The following RAB35 variants were observed in gnomAD, a reference collection of about 807,000 sequenced individuals.
RAB35 encodes RAB35, member RAS oncogene family.
A neutral mutation model predicts 28.9 loss-of-function variants in RAB35; 4 were observed. That is an observed-to-expected ratio of 0.14 (90% CI 0.07 to 0.32). RAB35 has a LOEUF of 0.32. Among genes scored for constraint, RAB35 ranks in the 10% least tolerant of loss-of-function variants. The pLI is 1.00. For missense variants in RAB35, 128 were observed against 274.0 expected (o/e 0.47, Z 3.76); for synonymous variants, 99 against 105.1 (o/e 0.94, Z 0.35).
chr12:120,112,953 C>T (rs1333374219), intron 1 of RAB35, among the ~76,000 whole-genome samples: 1 of 150,644 alleles, frequency 6.6e-6, no homozygotes. Context: ...TACAGTGGCA[C>T]GATCTCGGCT....
chr12:120,103,623 G>A lies in RAB35; in HGVS notation c.227+203C>T, dbSNP rs554568531. Among the ~76,000 whole-genome samples the A allele has an allele frequency of 1.3e-5, 2 of 152,316 alleles. No individual in the cohort carries two copies. The highest frequency in any genetic ancestry group is 6.5e-5 in the Admixed American group (1 of 15,298). On this transcript the variant is annotated intron_variant, in intron 3 of 5. Coordinates refer to ENST00000229340, the MANE Select transcript of RAB35 (RefSeq NM_006861.7). The surrounding 1 kb of genome is among the most constrained non-coding windows in gnomAD (Gnocchi z 6.1). ...CCAGACTCCAGCCAGGGTGCTCAGCGACTCCCCCACAGCACCCCCCTCACA... is the reference window on the plus strand; with the variant it reads ...CCAGACTCCAGCCAGGGTGCTCAGCAACTCCCCCACAGCACCCCCCTCACA...
Position 120,103,783 on chromosome 12 carries a change from G to A in RAB35, c.227+43C>T. 2 of 1,609,942 alleles carry A rather than the reference G, an allele frequency of 1.2e-6. No homozygotes were observed. The highest frequency in any genetic ancestry group is 1.7e-6 in the Non-Finnish European group (2 of 1,178,058). On this transcript the variant is annotated intron_variant, in intron 3 of 5. Coordinates refer to ENST00000229340, the MANE Select transcript of RAB35 (RefSeq NM_006861.7). The surrounding 1 kb of genome is among the most constrained non-coding windows in gnomAD (Gnocchi z 6.1). ...CACCGGTCGCTCAACTGTGTCCACA[G>A]GTCAGTGGCGCGGGTTGGGTGGGAG...
Position 120,096,720 on chromosome 12 carries a change from T to C in RAB35, c.*525A>G, listed in dbSNP as rs1472550111. ...GCCCCGGAGAAGGGGCAAGACCCTGTGCAGCGGGGACAGAGGCTGACAACC... is the reference window on the plus strand; with the variant it reads ...GCCCCGGAGAAGGGGCAAGACCCTGCGCAGCGGGGACAGAGGCTGACAACC... On this transcript the variant is annotated 3_prime_UTR_variant, in exon 6 of 6. Transcript: ENST00000229340. 5 of 1,289,948 alleles carry C rather than the reference T, an allele frequency of 3.9e-6. No individual in the cohort carries two copies. The Admixed American group carries it at 6.9e-5, about 18-fold the overall frequency. 79.9% of individuals were successfully genotyped at this position (1,289,948 alleles called of 1,614,324 possible). A position where few individuals can be genotyped will look rare whatever the true frequency, so the allele number is the denominator to read the frequency against.
chr12:120,099,905 C>T (rs1240676868), intron 3 of RAB35, among the ~76,000 whole-genome samples: 1 of 152,216 alleles, frequency 6.6e-6, no homozygotes, highest in Non-Finnish European at 1.5e-5. Flanking sequence ...CTCCGCTTCC[C>T]CGAGAGCTGT....
At position 120,096,172 on chromosome 12, in the gene RAB35, T is replaced by C. The variant is rs761532265; in HGVS notation, c.*1073A>G. The C allele has an allele frequency of 3.2e-5, 11 of 347,592 alleles. No individual in the cohort carries two copies. Among genetic ancestry groups the C allele is most frequent in the Non-Finnish European group, 5.6e-5 (10 of 179,366 alleles). The allele number at this position is 347,592 out of a possible 1,614,324, so 21.5% of individuals were successfully genotyped here. A position where few individuals can be genotyped will look rare whatever the true frequency, so the allele number is the denominator to read the frequency against. ...CTCCCCACAGTGCCCGAGGCTGCAG[T>C]GTAGACTCCTGACCTCCAGTGGGAG... On this transcript the variant is annotated 3_prime_UTR_variant, in exon 6 of 6. Transcript: ENST00000229340.
At position 120,106,597 on chromosome 12, in the gene RAB35, T is replaced by C. The variant is rs1288614049; in HGVS notation, c.103+1820A>G. ...ATGGAATCACTTTCTTTTTCTTTTT[T>C]TTTTTTTTTTTTTGAGACGGAGTCT... On this transcript the variant is annotated intron_variant, in intron 2 of 5. Coordinates refer to ENST00000229340, the MANE Select transcript of RAB35 (RefSeq NM_006861.7). Among the ~76,000 whole-genome samples, 7 of 148,912 alleles carry C rather than the reference T, an allele frequency of 4.7e-5. No individual in the cohort carries two copies. In the East Asian group the frequency reaches 9.8e-4, roughly 21 times the overall value.
intron 3 of RAB35, among the ~76,000 whole-genome samples, chr12:120,102,228 G>A (rs928382861): frequency 6.6e-6 from 1 of 152,176 alleles, no homozygotes; most frequent in African/African-American, 2.4e-5. Context: ...TCTCTCTACC[G>A]GGATTAACCA....
intron 1 of RAB35, among the ~76,000 whole-genome samples, chr12:120,113,944 A>C (rs1231294048): frequency 6.6e-6 from 1 of 152,244 alleles, no homozygotes; most frequent in Admixed American, 6.5e-5. Context: ...AGATTTATGA[A>C]GAAAGAAACC....
At chr12:120,100,246 T>C (rs188515382) in intron 3 of RAB35, among the ~76,000 whole-genome samples, 32 of 152,328 alleles carry the variant, frequency 2.1e-4, no homozygotes, top group African/African-American at 6.3e-4. Flanking sequence ...GCCCATCAGC[T>C]CTCTGGCCAA....
At chr12:120,100,935 C>G (rs953123574) in intron 3 of RAB35, among the ~76,000 whole-genome samples, 5 of 152,228 alleles carry the variant, frequency 3.3e-5, no homozygotes, top group Non-Finnish European at 7.3e-5. Flanking sequence ...GCCCAAGGAG[C>G]GGATGGCTCT....
Position 120,095,979 on chromosome 12 carries a change from G to A in RAB35, c.*1266C>T, listed in dbSNP as rs908551801. 2 of 159,708 alleles carry A rather than the reference G, an allele frequency of 1.3e-5. No individual in the cohort carries two copies. The highest frequency in any genetic ancestry group is 2.7e-5 in the Non-Finnish European group (2 of 72,796). 9.9% of individuals were successfully genotyped at this position (159,708 alleles called of 1,614,324 possible). A position where few individuals can be genotyped will look rare whatever the true frequency, so the allele number is the denominator to read the frequency against. ...GGGGGTCGGGGAGCAGTCATCAAGT[G>A]CAGATGACCCTGGTTGTTCTCCAGG... is the stretch of plus-strand genomic sequence containing the variant. On this transcript the variant is annotated 3_prime_UTR_variant, in exon 6 of 6. Coordinates refer to ENST00000229340, the MANE Select transcript of RAB35 (RefSeq NM_006861.7).
intron 3 of RAB35, 110 bp from the exon 4 acceptor site, chr12:120,099,264 C>T (rs533210082): frequency 7.0e-7 from 1 of 1,425,172 alleles, no homozygotes; most frequent in African/African-American, 1.4e-5. Context: ...GAGGGTGGCC[C>T]TGGAGCCTGG....
At chr12:120,101,968 C>A (rs1289941880) in intron 3 of RAB35, among the ~76,000 whole-genome samples, 2 of 152,220 alleles carry the variant, frequency 1.3e-5, no homozygotes, top group Non-Finnish European at 2.9e-5. Flanking sequence ...ACCCCCCAGG[C>A]CCCACTGCCC....
chr12:120,099,298 GC>G, intron 3 of RAB35, 144 bp from the exon 4 acceptor site: 1 of 1,051,776 alleles, frequency 9.5e-7, no homozygotes, highest in Non-Finnish European at 1.3e-6. Context: ...CTCGGCAGAT[GC>G]CCCCGAGCCA....
chr12:120,110,935 G>A (rs937882342), intron 1 of RAB35, among the ~76,000 whole-genome samples: 1 of 152,202 alleles, frequency 6.6e-6, no homozygotes, highest in Non-Finnish European at 1.5e-5. Context: ...GTCCTTCACG[G>A]CGCTGTGCCC....
rs113469613 is a variant in RAB35 at position 120,098,721 on chromosome 12, T to A, written c.477+90A>T. The A allele has an allele frequency of 4.8e-5, 75 of 1,551,996 alleles. No homozygotes were observed. The African/African-American group carries it at 8.9e-4, about 18-fold the overall frequency. On this transcript the variant is annotated intron_variant, in intron 5 of 5. Transcript: ENST00000229340. ...AAATGGCAGTTACTATGACATTTTC[T>A]GTTGGTCATTTAGATGCCTCAAGCA...
chr12:120,099,211 C>T (rs1332594122), intron 3 of RAB35, 57 bp from the exon 4 acceptor site: 15 of 1,606,960 alleles, frequency 9.3e-6, no homozygotes, highest in African/African-American at 2.7e-5. Flanking sequence ...ACCCCCTTGC[C>T]GGGACCCACC....
chr12:120,116,118 C>A (rs1321592196), intron 1 of RAB35, among the ~76,000 whole-genome samples: 5 of 152,152 alleles, frequency 3.3e-5, no homozygotes, highest in Non-Finnish European at 7.4e-5. Context: ...ATGATAATGA[C>A]AATAGTGAAC....
At chr12:120,098,294 G>A (rs1875517221) in intron 5 of RAB35, among the ~76,000 whole-genome samples, 1 of 152,290 alleles carries the variant, frequency 6.6e-6, no homozygotes, top group South Asian at 2.1e-4. Flanking sequence ...GGCCCAGAGA[G>A]GTGAAGTCAC....
Sources: allele counts gnomAD v4.1 joint callset (sites outside exome capture counted in the v4.1 genomes callset), GRCh38; gene constraint gnomAD v4.1.1; non-coding constraint Gnocchi (gnomAD v3.1); transcripts MANE v1.5; gene names NCBI Gene and HGNC (gene_info 2026-07-23, HGNC 2026-07-21).